EDA: variants seen among roughly 807,000 people sequenced by gnomAD.
The protein encoded by EDA is ectodysplasin A.
EDA carries 2 observed loss-of-function variants against 23.6 expected under a neutral mutation model. The ratio of observed to expected loss-of-function variants is 0.08; its 90% CI spans 0.03 to 0.27. The LOEUF (loss-of-function observed/expected upper bound fraction) is 0.27, where lower values mean the gene tolerates loss of function less well. Among genes scored for constraint, EDA ranks in the 10% least tolerant of loss-of-function variants. EDA has a pLI of 1.00. For missense variants in EDA, 229 were observed against 324.2 expected (o/e 0.71, Z 2.26); for synonymous variants, 131 against 132.0 (o/e 0.99, Z 0.05).
At chrX:70,021,736 C>A (rs1377655821) in intron 2 of EDA, among the ~76,000 whole-genome samples, 1 of 111,783 alleles carries the variant, frequency 8.9e-6, no homozygotes, top group Non-Finnish European at 1.9e-5. Context: ...TCTAAAACAT[C>A]CCCTGGACAT....
chrX:69,878,396 G>A (rs1743922990), intron 1 of EDA, among the ~76,000 whole-genome samples: 1 of 112,322 alleles, frequency 8.9e-6, no homozygotes, highest in Non-Finnish European at 1.9e-5. Flanking sequence ...AGTGTTCAGC[G>A]CAAAAAAATA....
intron 1 of EDA, among the ~76,000 whole-genome samples, chrX:69,648,040 C>G (rs898536803): frequency 9.0e-6 from 1 of 111,503 alleles, no homozygotes; most frequent in African/African-American, 3.3e-5. Context: ...GGCCATGAAA[C>G]AGCAAACATG....
intron 1 of EDA, among the ~76,000 whole-genome samples, chrX:69,881,591 C>T (rs1051781119): frequency 1.8e-5 from 2 of 111,934 alleles, no homozygotes; most frequent in African/African-American, 6.5e-5. Context: ...TCCCACTGGC[C>T]CCTATCCACT....
chrX:69,631,067 T>G (rs974547958), intron 1 of EDA, among the ~76,000 whole-genome samples: 26 of 111,766 alleles, frequency 2.3e-4, no homozygotes, highest in Non-Finnish European at 2.8e-4. Flanking sequence ...ACTAACAATT[T>G]ATCATTGCAG....
chrX:69,716,008 C>T (rs946452000), intron 1 of EDA, among the ~76,000 whole-genome samples: 2 of 111,695 alleles, frequency 1.8e-5, no homozygotes, highest in Admixed American at 9.5e-5. Flanking sequence ...CATATTTTCT[C>T]CTATTCTATG....
At chrX:70,026,879 CCTT>C (rs1216779118) in intron 3 of EDA, among the ~76,000 whole-genome samples, 13 of 110,220 alleles carry the variant, frequency 1.2e-4, no homozygotes, top group Admixed American at 3.9e-4. Context: ...CCCTCTTCCT[CCTT>C]CTCCATTCCC....
At chrX:69,764,489 C>T (rs753686881) in intron 1 of EDA, among the ~76,000 whole-genome samples, 3 of 108,821 alleles carry the variant, frequency 2.8e-5, no homozygotes, top group African/African-American at 1.0e-4. Context: ...GTGATCCACC[C>T]GCCTCTCCCT....
intron 1 of EDA, among the ~76,000 whole-genome samples, chrX:69,734,374 A>G (rs1208836220): frequency 1.8e-5 from 2 of 111,554 alleles, no homozygotes; most frequent in African/African-American, 6.5e-5. Flanking sequence ...TGGTCTTTTC[A>G]TAGGACCAGC....
intron 1 of EDA, among the ~76,000 whole-genome samples, chrX:69,709,615 C>T: frequency 9.0e-6 from 1 of 111,433 alleles, no homozygotes; most frequent in Non-Finnish European, 1.9e-5. Context: ...CCTAATGAAC[C>T]CATACTAGCT....
chrX:69,768,739 T>G (rs2014542425), intron 1 of EDA, among the ~76,000 whole-genome samples: 1 of 111,616 alleles, frequency 9.0e-6, no homozygotes, highest in South Asian at 3.7e-4. Context: ...TTCTCCTTAT[T>G]TGGGTTTAAT....
intron 2 of EDA, among the ~76,000 whole-genome samples, chrX:69,991,059 T>C (rs994728674): frequency 9.0e-6 from 1 of 111,505 alleles, no homozygotes; most frequent in African/African-American, 3.3e-5. Context: ...TCTATTTTTT[T>C]GTTTTGTATT....
chrX:69,899,090 G>A (rs1212882051), intron 1 of EDA, among the ~76,000 whole-genome samples: 2 of 112,037 alleles, frequency 1.8e-5, no homozygotes, highest in African/African-American at 6.5e-5. Context: ...GAGCTCCACT[G>A]GATGGTTCTT....
chrX:69,962,391 G>A (rs2019114080), intron 2 of EDA, among the ~76,000 whole-genome samples: 1 of 112,145 alleles, frequency 8.9e-6, no homozygotes, highest in Non-Finnish European at 1.9e-5. Context: ...TAGAGTTGTT[G>A]TGTTTATCAA....
chrX:69,795,631 A>G (rs1363894553), intron 1 of EDA, among the ~76,000 whole-genome samples: 1 of 113,160 alleles, frequency 8.8e-6, no homozygotes, highest in Non-Finnish European at 1.9e-5. Context: ...CAAGGTGCAG[A>G]CTACTGCCAT....
chrX:69,821,805 T>A (rs1314204286), intron 1 of EDA, among the ~76,000 whole-genome samples: 2 of 112,229 alleles, frequency 1.8e-5, no homozygotes, highest in African/African-American at 3.2e-5. Flanking sequence ...TCAGTTTTTT[T>A]AAATTGTTAT....
At chrX:69,871,222 A>C (rs1014297022) in intron 1 of EDA, among the ~76,000 whole-genome samples, 1 of 111,849 alleles carries the variant, frequency 8.9e-6, no homozygotes, top group African/African-American at 3.3e-5. Context: ...CAGAAACCCC[A>C]AAACCAACAA....
intron 1 of EDA, among the ~76,000 whole-genome samples, chrX:69,793,992 A>G (rs1318831546): frequency 1.8e-5 from 2 of 111,605 alleles, no homozygotes; most frequent in Non-Finnish European, 3.8e-5. Context: ...CTGCAGGCTT[A>G]CTATTTGAGC....
At chrX:69,820,618 G>A (rs955490567) in intron 1 of EDA, among the ~76,000 whole-genome samples, 1 of 111,679 alleles carries the variant, frequency 9.0e-6, no homozygotes, top group African/African-American at 3.3e-5. Context: ...ACATACATGC[G>A]GCCAACAAAC....
chrX:69,681,428 G>T (rs904069209), intron 1 of EDA, among the ~76,000 whole-genome samples: 13 of 110,857 alleles, frequency 1.2e-4, no homozygotes, highest in Non-Finnish European at 1.7e-4. Context: ...TTCCAACTTG[G>T]GTCCATTCTC....
Sources: allele counts gnomAD v4.1 joint callset (sites outside exome capture counted in the v4.1 genomes callset), GRCh38; gene constraint gnomAD v4.1.1; transcripts MANE v1.5; gene names NCBI Gene and HGNC (gene_info 2026-07-23, HGNC 2026-07-21).